Variants in PLCB1 observed in about 807,000 individuals in gnomAD.
The protein encoded by PLCB1 is phospholipase C beta 1.
PLCB1 carries 46 observed loss-of-function variants against 161.8 expected under a neutral mutation model. The observed-to-expected ratio is 0.28, with a 90% CI of 0.22 to 0.36. PLCB1 has a LOEUF of 0.36. PLCB1 is among the 10% of genes least tolerant of loss of function. PLCB1 has a pLI of 1.00. For missense variants in PLCB1, 1,016 were observed against 1,472.5 expected, an observed-to-expected ratio of 0.69 and a Z score of 5.07; for synonymous variants, 517 against 503.7, an observed-to-expected ratio of 1.03 and a Z score of -0.35.
At chr20:8,235,177 A>G (rs1296618154) in intron 2 of PLCB1, among the ~76,000 whole-genome samples, 1 of 152,120 alleles carries the variant, frequency 6.6e-6, no homozygotes. Context: ...AGCCTTTTCC[A>G]GCCATTTAGA....
chr20:8,197,467 G>A (rs1284013960), intron 2 of PLCB1, among the ~76,000 whole-genome samples: 1 of 152,124 alleles, frequency 6.6e-6, no homozygotes, highest in Non-Finnish European at 1.5e-5. Flanking sequence ...CTTCTTTTGA[G>A]AGGTGTCTGT....
At chr20:8,147,872 G>GC (rs1555786274) in intron 1 of PLCB1, among the ~76,000 whole-genome samples, 3 of 130,472 alleles carry the variant, frequency 2.3e-5, no homozygotes, top group Non-Finnish European at 4.8e-5. Context: ...ATTTTGAAAA[G>GC]TTTTTTTTTT....
At chr20:8,305,278 G>C (rs1000518539) in intron 2 of PLCB1, among the ~76,000 whole-genome samples, 1 of 152,190 alleles carries the variant, frequency 6.6e-6, no homozygotes, top group African/African-American at 2.4e-5. Context: ...GGCCAAGCAA[G>C]CAAAATGCAT....
chr20:8,246,943 A>G (rs910953660), intron 2 of PLCB1, among the ~76,000 whole-genome samples: 31 of 151,994 alleles, frequency 2.0e-4, no homozygotes, highest in Admixed American at 1.6e-3. Context: ...TCTATTTCTC[A>G]GGTAGCCAGA....
intron 2 of PLCB1, among the ~76,000 whole-genome samples, chr20:8,218,693 TG>T (rs1030611241): frequency 5.5e-4 from 83 of 151,716 alleles, no homozygotes; most frequent in African/African-American, 1.9e-3. Context: ...ACAGAGAGCA[TG>T]AATTAGTCGG....
chr20:8,811,106 G>A (rs1984797333), intron 31 of PLCB1, among the ~76,000 whole-genome samples: 1 of 152,064 alleles, frequency 6.6e-6, no homozygotes, highest in South Asian at 2.1e-4. Flanking sequence ...GAGTATGAAG[G>A]GCATGATCCC....
chr20:8,320,798 G>GA (rs1555798117), intron 2 of PLCB1, among the ~76,000 whole-genome samples: 1 of 125,468 alleles, frequency 8.0e-6, no homozygotes, highest in Non-Finnish European at 1.6e-5. Flanking sequence ...CAGAAAGAAA[G>GA]AAGAAAGAAA....
intron 2 of PLCB1, among the ~76,000 whole-genome samples, chr20:8,277,978 A>G (rs1982662728): frequency 6.6e-6 from 1 of 152,028 alleles, no homozygotes; most frequent in African/African-American, 2.4e-5. Flanking sequence ...CACCAATCCT[A>G]CCTCTGAAAA....
chr20:8,251,966 A>G (rs2123224622), intron 2 of PLCB1, among the ~76,000 whole-genome samples: 1 of 152,046 alleles, frequency 6.6e-6, no homozygotes, highest in Middle Eastern at 3.4e-3. Flanking sequence ...GCCCTCTGCA[A>G]GCTCTTTGAA....
intron 31 of PLCB1, among the ~76,000 whole-genome samples, chr20:8,797,216 T>C (rs971694006): frequency 6.6e-6 from 1 of 152,204 alleles, no homozygotes; most frequent in Non-Finnish European, 1.5e-5. Flanking sequence ...CTTTTGATGA[T>C]AATTTATATT....
chr20:8,735,535 T>C (rs1221173945), intron 19 of PLCB1, among the ~76,000 whole-genome samples: 1 of 152,192 alleles, frequency 6.6e-6, no homozygotes, highest in Admixed American at 6.5e-5. Context: ...CTGGCATAGA[T>C]TTTATAATGC....
chr20:8,760,148 G>T (rs938597212), intron 24 of PLCB1, among the ~76,000 whole-genome samples: 1 of 151,892 alleles, frequency 6.6e-6, no homozygotes, highest in Admixed American at 6.6e-5. Context: ...CAAGTGATCC[G>T]CCTGCCTCGG....
chr20:8,860,908 C>T (rs1164303070), intron 31 of PLCB1, among the ~76,000 whole-genome samples: 1 of 152,172 alleles, frequency 6.6e-6, no homozygotes, highest in Non-Finnish European at 1.5e-5. Flanking sequence ...GTGGACACAA[C>T]TTTCTTAGAG....
chr20:8,532,933 T>A (rs1235246149), intron 3 of PLCB1, among the ~76,000 whole-genome samples: 1 of 152,084 alleles, frequency 6.6e-6, no homozygotes, highest in African/African-American at 2.4e-5. Flanking sequence ...TACATATGTA[T>A]ACATGTGCCA....
chr20:8,877,538 A>G (rs1046687872), intron 31 of PLCB1, among the ~76,000 whole-genome samples: 1 of 152,220 alleles, frequency 6.6e-6, no homozygotes, highest in South Asian at 2.1e-4. Context: ...CTAGCTCTTC[A>G]GAAACCCCAC....
chr20:8,539,986 C>T (rs2423369), intron 3 of PLCB1, among the ~76,000 whole-genome samples: 55,699 of 151,842 alleles, frequency 0.37, 10,785 homozygotes, highest in African/African-American at 0.43. Context: ...TGACCTCCAG[C>T]ATTAGCCCAG....
chr20:8,777,929 T>G (rs1033048604), intron 27 of PLCB1, among the ~76,000 whole-genome samples: 2 of 152,020 alleles, frequency 1.3e-5, no homozygotes, highest in African/African-American at 4.8e-5. Context: ...CAGGGACATT[T>G]CTCTTTTTAA....
rs138682399 is a variant in PLCB1 at position 8,363,558 on chromosome 20, C to G, written c.178-7824C>G. Among the ~76,000 whole-genome samples, 238 of 152,276 alleles carry G rather than the reference C, an allele frequency of 1.6e-3. 1 individual carries two copies. Among genetic ancestry groups the G allele is most frequent in the African/African-American group, 5.2e-3 (215 of 41,560 alleles). ...AACTTTATGTTGTCTGATTGGGAAC[C>G]TTAATTACACCTCAAAATTCACTCA... On this transcript the variant is annotated intron_variant, in intron 2 of 31. Coordinates refer to ENST00000338037, the MANE Select transcript of PLCB1 (RefSeq NM_015192.4).
At chr20:8,868,936 G>A (rs1987519805) in intron 31 of PLCB1, among the ~76,000 whole-genome samples, 1 of 152,114 alleles carries the variant, frequency 6.6e-6, no homozygotes, top group African/African-American at 2.4e-5. Flanking sequence ...ACCTGGCCAG[G>A]AGGCAAGAAT....
Sources: gnomAD v4.1 joint callset for allele counts (sites outside exome capture counted in the v4.1 genomes callset) on GRCh38, gnomAD v4.1.1 for gene constraint, MANE v1.5 for transcripts, NCBI Gene and HGNC (gene_info 2026-07-23, HGNC 2026-07-21) for gene names.